HHAT: variants seen among roughly 807,000 people sequenced by gnomAD.
HHAT encodes hedgehog acyltransferase, also known as protein-cysteine N-palmitoyltransferase HHAT.
A neutral mutation model predicts 70.8 loss-of-function variants in HHAT; 47 were observed. That is an observed-to-expected ratio of 0.66 (90% CI 0.53 to 0.85). The LOEUF (loss-of-function observed/expected upper bound fraction) is 0.85, where lower values mean the gene tolerates loss of function less well. Among genes scored for constraint, HHAT ranks in the 40% least tolerant of loss-of-function variants. The pLI, the probability that HHAT is intolerant of heterozygous loss-of-function variation, is 0.00. For synonymous variants in HHAT, 228 were observed against 247.6 expected (o/e 0.92, Z 0.74); for missense variants, 609 against 604.8 (o/e 1.01, Z -0.07).
chr1:210,399,728 T>G (rs1001337421), intron 4 of HHAT, among the ~76,000 whole-genome samples: 2 of 152,152 alleles, frequency 1.3e-5, no homozygotes, highest in South Asian at 2.1e-4. Context: ...CTGACCAAGG[T>G]TATATCATAA....
At chr1:210,649,527 T>C (rs12094531) in intron 11 of HHAT, among the ~76,000 whole-genome samples, 6,501 of 152,312 alleles carry the variant, frequency 0.043, 201 homozygotes, top group East Asian at 0.11. Flanking sequence ...GACCCTCAGA[T>C]AGCAGAGTAA....
In HHAT at chr1:210,443,116, G is replaced by T. The variant is rs1345353172; in HGVS notation, c.857-21389G>T. Among the ~76,000 whole-genome samples the T allele has an allele frequency of 2.0e-5, 3 of 152,104 alleles. No individual in the cohort carries two copies. In the South Asian group the frequency reaches 6.2e-4, roughly 32 times the overall value. On this transcript the variant is annotated intron_variant, in intron 7 of 11. Transcript: ENST00000261458. ...TTAAACAGGGAATCCTTTCCCCATT[G>T]CTTGTTTTTCTCAGGTTTGTCAAAG...
At chr1:210,369,400 A>G (rs1260058487) in intron 3 of HHAT, among the ~76,000 whole-genome samples, 2 of 152,228 alleles carry the variant, frequency 1.3e-5, no homozygotes, top group Non-Finnish European at 2.9e-5. Flanking sequence ...AATACGAATG[A>G]CTATGAACAT....
intron 9 of HHAT, among the ~76,000 whole-genome samples, chr1:210,559,337 A>G (rs2095600992): frequency 6.6e-6 from 1 of 152,210 alleles, no homozygotes; most frequent in African/African-American, 2.4e-5. Flanking sequence ...ATCTCTGTCT[A>G]CTTGGCCCAC....
At chr1:210,465,415 G>A (rs1478913171) in intron 8 of HHAT, among the ~76,000 whole-genome samples, 1 of 152,192 alleles carries the variant, frequency 6.6e-6, no homozygotes, top group Non-Finnish European at 1.5e-5. Context: ...CAAGTGACAG[G>A]ATTGAGTTTG....
At chr1:210,652,891 C>G (rs961420293) in intron 11 of HHAT, among the ~76,000 whole-genome samples, 1 of 152,192 alleles carries the variant, frequency 6.6e-6, no homozygotes, top group African/African-American at 2.4e-5. Context: ...AAAGTGCCAG[C>G]TCCTCTAGAG....
intron 7 of HHAT, among the ~76,000 whole-genome samples, chr1:210,460,768 A>C (rs959992255): frequency 2.6e-5 from 4 of 152,212 alleles, no homozygotes; most frequent in African/African-American, 9.6e-5. Context: ...AAGGCAGAAG[A>C]AAATACTGTG....
At chr1:210,497,553 G>C (rs2094672290) in intron 8 of HHAT, among the ~76,000 whole-genome samples, 1 of 152,146 alleles carries the variant, frequency 6.6e-6, no homozygotes, top group Admixed American at 6.5e-5. Flanking sequence ...TTCTTGGTTT[G>C]ATGTTGACTG....
At chr1:210,673,203 G>A (rs1037673959) in intron 11 of HHAT, among the ~76,000 whole-genome samples, 2 of 152,098 alleles carry the variant, frequency 1.3e-5, no homozygotes, top group South Asian at 2.1e-4. Flanking sequence ...ACGTCTGCAT[G>A]TCTCTATCCC....
intron 7 of HHAT, among the ~76,000 whole-genome samples, chr1:210,432,105 T>G (rs1422259279): frequency 6.6e-6 from 1 of 151,760 alleles, no homozygotes; most frequent in Non-Finnish European, 1.5e-5. Flanking sequence ...TTTTGGTATC[T>G]GTAGGGGTTC....
intron 9 of HHAT, among the ~76,000 whole-genome samples, chr1:210,522,161 G>A (rs2095168468): frequency 6.6e-6 from 1 of 152,194 alleles, no homozygotes; most frequent in African/African-American, 2.4e-5. Flanking sequence ...TTCCACCTGA[G>A]GTGAGTCTAA....
At chr1:210,504,875 A>C (rs2094822953) in intron 8 of HHAT, among the ~76,000 whole-genome samples, 1 of 148,426 alleles carries the variant, frequency 6.7e-6, no homozygotes, top group African/African-American at 2.5e-5. Flanking sequence ...TTCACTTCTC[A>C]CTATGTTCCC....
chr1:210,474,178 C>T (rs553679721), intron 8 of HHAT, among the ~76,000 whole-genome samples: 1 of 152,190 alleles, frequency 6.6e-6, no homozygotes, highest in East Asian at 1.9e-4. Context: ...CATAGAATCC[C>T]TGCCTCCTAG....
At chr1:210,537,030 A>T (rs1426560195) in intron 9 of HHAT, among the ~76,000 whole-genome samples, 2 of 143,898 alleles carry the variant, frequency 1.4e-5, no homozygotes, top group East Asian at 2.0e-4. Flanking sequence ...AAGAAGGTGT[A>T]AAAAAAAAAA....
chr1:210,538,805 A>G (rs944504429), intron 9 of HHAT, among the ~76,000 whole-genome samples: 7 of 152,234 alleles, frequency 4.6e-5, no homozygotes, highest in African/African-American at 1.4e-4. Context: ...GGCTGGGCAC[A>G]GTGGCTAATG....
chr1:210,470,056 A>G (rs2094175668), intron 8 of HHAT, among the ~76,000 whole-genome samples: 1 of 152,084 alleles, frequency 6.6e-6, no homozygotes, highest in Admixed American at 6.6e-5. Flanking sequence ...TTTTGGCCAG[A>G]CTGGTCTTGA....
intron 6 of HHAT, among the ~76,000 whole-genome samples, chr1:210,412,090 G>A (rs1033478071): frequency 6.6e-6 from 1 of 152,142 alleles, no homozygotes; most frequent in African/African-American, 2.4e-5. Context: ...TGTGGTGGAA[G>A]GGGTCTAACT....
At chr1:210,404,909 G>C (rs1338815528) in intron 6 of HHAT, among the ~76,000 whole-genome samples, 2 of 152,116 alleles carry the variant, frequency 1.3e-5, no homozygotes, top group African/African-American at 2.4e-5. Context: ...GTCCCACCTT[G>C]ATTTTCAGTG....
At chr1:210,531,574 G>C (rs538984089) in intron 9 of HHAT, among the ~76,000 whole-genome samples, 16 of 152,304 alleles carry the variant, frequency 1.1e-4, no homozygotes, top group African/African-American at 3.4e-4. Flanking sequence ...TACTAAGTCT[G>C]AGCCTCGGTT....
Sources: gnomAD v4.1 joint callset for allele counts (sites outside exome capture counted in the v4.1 genomes callset) on GRCh38, gnomAD v4.1.1 for gene constraint, MANE v1.5 for transcripts, NCBI Gene and HGNC (gene_info 2026-07-23, HGNC 2026-07-21) for gene names.